The following NME7 variants were observed in gnomAD, a reference collection of about 807,000 sequenced individuals.
NME7 encodes the protein nucleoside diphosphate kinase 7.
Under a neutral mutation model 49.1 loss-of-function variants are expected in NME7, and 41 were observed. The ratio of observed to expected loss-of-function variants is 0.83; its 90% CI spans 0.65 to 1.08. The LOEUF (loss-of-function observed/expected upper bound fraction) is 1.08. NME7 is among the 50% of genes least tolerant of loss of function. NME7 has a pLI of 0.00. For missense variants in NME7, 423 were observed against 463.4 expected (o/e 0.91, Z 0.80); for synonymous variants, 139 against 150.6 (o/e 0.92, Z 0.56).
intron 1 of NME7, among the ~76,000 whole-genome samples, chr1:169,358,443 A>G (rs1283876749): frequency 2.6e-5 from 4 of 152,094 alleles, no homozygotes; most frequent in Non-Finnish European, 4.4e-5. Flanking sequence ...CTAGCTCTAC[A>G]TCAGTTTGTT....
At chr1:169,270,017 T>C (rs1649440999) in intron 7 of NME7, among the ~76,000 whole-genome samples, 1 of 133,616 alleles carries the variant, frequency 7.5e-6, no homozygotes, top group East Asian at 2.0e-4. Context: ...GCAATCCTCC[T>C]ACCTCGGCCT....
At chr1:169,319,925 C>T (rs1651791707) in intron 3 of NME7, among the ~76,000 whole-genome samples, 2 of 152,104 alleles carry the variant, frequency 1.3e-5, no homozygotes, top group Non-Finnish European at 2.9e-5. Context: ...AAATAGGATA[C>T]TAGCATTATT....
intron 7 of NME7, among the ~76,000 whole-genome samples, chr1:169,268,234 T>C (rs1198630671): frequency 1.5e-5 from 2 of 133,222 alleles, no homozygotes; most frequent in Non-Finnish European, 3.5e-5. Flanking sequence ...AAAACCACAG[T>C]GAGATACCAT....
chr1:169,137,117 C>G (rs1475872504), intron 11 of NME7, among the ~76,000 whole-genome samples: 1 of 152,196 alleles, frequency 6.6e-6, no homozygotes, highest in Non-Finnish European at 1.5e-5. Context: ...TAATATGATA[C>G]TGAGTTTTAA....
intron 10 of NME7, among the ~76,000 whole-genome samples, chr1:169,228,320 T>C (rs1392696642): frequency 6.6e-6 from 1 of 152,094 alleles, no homozygotes; most frequent in African/African-American, 2.4e-5. Context: ...GTTTTAGTTT[T>C]TATCTCTTTA....
At chr1:169,182,486 C>G (rs1386042587) in intron 10 of NME7, among the ~76,000 whole-genome samples, 4 of 152,278 alleles carry the variant, frequency 2.6e-5, no homozygotes, top group Admixed American at 2.0e-4. Context: ...CCCTTTTGGG[C>G]CCCCCATCTA....
At chr1:169,341,234 C>T (rs1467958940) in intron 1 of NME7, among the ~76,000 whole-genome samples, 1 of 152,104 alleles carries the variant, frequency 6.6e-6, no homozygotes, top group Non-Finnish European at 1.5e-5. Flanking sequence ...CAGCTCAAGC[C>T]GAGGCTAAAA....
chr1:169,287,494 A>T, intron 6 of NME7, 86 bp from the exon 7 acceptor site: 2 of 955,760 alleles, frequency 2.1e-6, no homozygotes, highest in Non-Finnish European at 3.1e-6. Flanking sequence ...AGAATCATGC[A>T]ATTACTTTTA....
intron 7 of NME7, chr1:169,283,697 A>G (rs1224664531): frequency 6.6e-6 from 1 of 152,068 alleles, no homozygotes; most frequent in African/African-American, 2.4e-5. Context: ...TTTCTCCTTC[A>G]CTTATGAAGC....
In NME7 at chr1:169,265,602, G is replaced by A. The variant is rs1649293999; in HGVS notation, c.754+21701C>T. ...GAACCAAGAACAAACCAACCCCAAA[G>A]CTAGCAGAAGACAAGAAATAACCAA... On this transcript the variant is annotated intron_variant, in intron 7 of 11. Transcript: ENST00000367811. Among the ~76,000 whole-genome samples the A allele has an allele frequency of 1.5e-5, 2 of 131,716 alleles. 1 individual carries two copies. Among genetic ancestry groups the A allele is most frequent in the African/African-American group, 5.1e-5 (2 of 39,110 alleles). The allele number at this position is 131,716 out of a possible 152,430, so 86.4% of individuals were successfully genotyped here. A position where few individuals can be genotyped will look rare whatever the true frequency, so the allele number is the denominator to read the frequency against.
rs992805011 is a variant in NME7, at chr1:169,273,289, T to C, written c.754+14014A>G. 2.3e-5 allele frequency among the ~76,000 whole-genome samples: 3 copies of C among 130,042 alleles called. 1 individual carries two copies. Among genetic ancestry groups the C allele is most frequent in the African/African-American group, 5.2e-5 (2 of 38,608 alleles). 85.3% of individuals were successfully genotyped at this position (130,042 alleles called of 152,430 possible). On this transcript the variant is annotated intron_variant, in intron 7 of 11. Coordinates refer to ENST00000367811, the MANE Select transcript of NME7 (RefSeq NM_013330.5). ...GTGTTTTCATTGTTCAACTCAGACT[T>C]ATGAGTGAGAACATGCAGTGTTTAG...
rs546422292 is a variant in NME7, at chr1:169,276,271, C to T, written c.754+11032G>A. 1.0e-3 allele frequency among the ~76,000 whole-genome samples: 138 copies of T among 133,552 alleles called. 9 individuals carry two copies. The highest frequency in any genetic ancestry group is 3.4e-3 in the African/African-American group (135 of 39,554). The allele number at this position is 133,552 out of a possible 152,430, so 87.6% of individuals were successfully genotyped here. On this transcript the variant is annotated intron_variant, in intron 7 of 11. Coordinates refer to ENST00000367811, the MANE Select transcript of NME7 (RefSeq NM_013330.5). ...AGTTTCAGAAGGAATGGTACCAGTT[C>T]CTCCTTGTACCTCTGGTACAATTCG...
chr1:169,152,931 A>G (rs1258950611), intron 11 of NME7, among the ~76,000 whole-genome samples: 1 of 152,058 alleles, frequency 6.6e-6, no homozygotes, highest in East Asian at 1.9e-4. Context: ...CCCATCCAGC[A>G]TTTACAGCAA....
At chr1:169,293,324 A>T (rs1247320246) in intron 6 of NME7, among the ~76,000 whole-genome samples, 1 of 151,250 alleles carries the variant, frequency 6.6e-6, no homozygotes, top group East Asian at 1.9e-4. Context: ...AAAAAATTGT[A>T]GTCAGTTCAG....
chr1:169,248,253 A>G (rs1467558800), intron 7 of NME7, among the ~76,000 whole-genome samples: 1 of 151,974 alleles, frequency 6.6e-6, no homozygotes, highest in East Asian at 1.9e-4. Flanking sequence ...AGCATTTTTC[A>G]TATGTTCTTT....
Position 169,287,358 on chromosome 1 carries a change from A to C in NME7, c.699T>G (p.Thr233=). The C allele has an allele frequency of 6.2e-7, 1 of 1,600,938 alleles. No individual in the cohort carries two copies. Among genetic ancestry groups the C allele is most frequent in the Non-Finnish European group, 8.5e-7 (1 of 1,173,244 alleles). The change falls in exon 7 of 12, where the codon ACT becomes ACG. Residue 233 remains threonine, a synonymous_variant. Transcript: ENST00000367811. ...PSSGGCGPAN[T]AKFTNCTCCI... ...AACAGGTACAATTAGTAAATTTAGC[A>C]GTGTTTGCCGGCCCACAACCTCCAC...
At chr1:169,339,003 T>C (rs1652583159) in intron 1 of NME7, among the ~76,000 whole-genome samples, 1 of 152,210 alleles carries the variant, frequency 6.6e-6, no homozygotes, top group Admixed American at 6.5e-5. Context: ...TCAAAGAAGC[T>C]GTAACATTTA....
intron 7 of NME7, among the ~76,000 whole-genome samples, chr1:169,244,635 C>T (rs993819371): frequency 2.2e-4 from 19 of 85,362 alleles, no homozygotes; most frequent in Non-Finnish European, 3.6e-4. Context: ...GACTCCATCT[C>T]AAAAAAAAAA....
In NME7 at chr1:169,254,340, T is replaced by A. The variant is rs1027258969; in HGVS notation, c.755-16653A>T. Among the ~76,000 whole-genome samples, 68 of 152,160 alleles carry A rather than the reference T, an allele frequency of 4.5e-4. 1 individual carries two copies. The highest frequency in any genetic ancestry group is 3.9e-3 in the Admixed American group (60 of 15,272). Reference sequence around the variant, plus strand: ...TATCCATTTCTTCTCGATTTTCTAGTTTATTTGCGTAGAGGTGTTTGTAGT... The same window carrying A: ...TATCCATTTCTTCTCGATTTTCTAGATTATTTGCGTAGAGGTGTTTGTAGT... On this transcript the variant is annotated intron_variant, in intron 7 of 11. Transcript: ENST00000367811.
Sources: gnomAD v4.1 joint callset for allele counts (sites outside exome capture counted in the v4.1 genomes callset) on GRCh38, gnomAD v4.1.1 for gene constraint, MANE v1.5 for transcripts, NCBI Gene and HGNC (gene_info 2026-07-23, HGNC 2026-07-21) for gene names.